Variants in DNAH12 observed in about 807,000 individuals in gnomAD.
DNAH12 encodes dynein axonemal heavy chain 12.
A neutral mutation model predicts 371.5 loss-of-function variants in DNAH12; 285 were observed. The ratio of observed to expected loss-of-function variants is 0.77; its 90% CI spans 0.70 to 0.85. The LOEUF is 0.85. Among genes scored for constraint, DNAH12 ranks in the 40% least tolerant of loss-of-function variants. The pLI, the probability that DNAH12 is intolerant of heterozygous loss-of-function variation, is 0.00. For synonymous variants in DNAH12, 1,200 were observed against 1,213.0 expected (o/e 0.99, Z 0.22); for missense variants, 3,611 against 3,689.4 (o/e 0.98, Z 0.55).
chr3:57,471,679 G>T, intron 14 of DNAH12, 73 bp from the exon 15 acceptor site: 2 of 1,269,996 alleles, frequency 1.6e-6, no homozygotes, highest in Non-Finnish European at 2.1e-6. Flanking sequence ...TCCAAATACT[G>T]TGTATAATAA....
At chr3:57,417,448 CTGAG>C (rs2064415788) in intron 37 of DNAH12, among the ~76,000 whole-genome samples, 1 of 152,076 alleles carries the variant, frequency 6.6e-6, no homozygotes, top group African/African-American at 2.4e-5. Flanking sequence ...ATGTTCCAGT[CTGAG>C]TAACATTAGC....
At chr3:57,434,322 A>C (rs544292828) in intron 30 of DNAH12, among the ~76,000 whole-genome samples, 4 of 152,170 alleles carry the variant, frequency 2.6e-5, no homozygotes, top group Non-Finnish European at 5.9e-5. Context: ...AGGGATAGGT[A>C]ATTGCCAGCT....
chr3:57,416,512 T>C (rs2064381663), intron 37 of DNAH12, among the ~76,000 whole-genome samples: 1 of 152,026 alleles, frequency 6.6e-6, no homozygotes, highest in East Asian at 1.9e-4. Flanking sequence ...TCAAAGTCTG[T>C]CTCCTCAGAA....
intron 13 of DNAH12, among the ~76,000 whole-genome samples, chr3:57,479,183 C>G (rs962069124): frequency 2.6e-5 from 4 of 152,056 alleles, no homozygotes; most frequent in African/African-American, 9.7e-5. Flanking sequence ...ACCCATCTCA[C>G]GTGCAGAGAC....
At chr3:57,305,817 A>T (rs193094850) in intron 69 of DNAH12, among the ~76,000 whole-genome samples, 1 of 152,218 alleles carries the variant, frequency 6.6e-6, no homozygotes. Flanking sequence ...GGTGTATGAT[A>T]ATAGAAAAAA....
intron 4 of DNAH12, among the ~76,000 whole-genome samples, chr3:57,518,834 A>G (rs926448641): frequency 6.6e-6 from 1 of 152,186 alleles, no homozygotes; most frequent in African/African-American, 2.4e-5. Flanking sequence ...GTTGATTCTG[A>G]GGTATTTGTG....
intron 43 of DNAH12, among the ~76,000 whole-genome samples, chr3:57,402,611 C>T (rs1369151330): frequency 6.6e-6 from 1 of 152,168 alleles, no homozygotes; most frequent in Non-Finnish European, 1.5e-5. Flanking sequence ...CATGTTCTCA[C>T]TTATATGTAG....
At chr3:57,308,137 A>C (rs2061510665) in intron 69 of DNAH12, among the ~76,000 whole-genome samples, 1 of 152,100 alleles carries the variant, frequency 6.6e-6, no homozygotes, top group African/African-American at 2.4e-5. Context: ...AGGAAACTAA[A>C]ATACCTCTTG....
rs1399197389 is a variant in DNAH12 at position 57,293,761 on chromosome 3, G to A, written c.*20C>T. On this transcript the variant is annotated 3_prime_UTR_variant, in exon 74 of 74. Transcript: ENST00000495027. Reference sequence around the variant, plus strand: ...TTTTTTTTTTTTTAAACTTTTGGATGTTTTATAAATTTGTCCAATTTAGTC... The same window carrying A: ...TTTTTTTTTTTTTAAACTTTTGGATATTTTATAAATTTGTCCAATTTAGTC... The A allele has an allele frequency of 9.3e-6, 14 of 1,504,996 alleles. No individual in the cohort carries two copies. Among genetic ancestry groups the A allele is most frequent in the South Asian group, 1.3e-5 (1 of 79,216 alleles). The allele number at this position is 1,504,996 out of a possible 1,614,324, so 93.2% of individuals were successfully genotyped here.
intron 69 of DNAH12, among the ~76,000 whole-genome samples, chr3:57,303,568 C>G (rs531338582): frequency 2.0e-5 from 3 of 151,826 alleles, no homozygotes; most frequent in African/African-American, 7.3e-5. Flanking sequence ...CCCGCTACCA[C>G]GCCTGGATAA....
chr3:57,296,566 T>G, intron 71 of DNAH12, 131 bp from the exon 72 acceptor site: 1 of 791,118 alleles, frequency 1.3e-6, no homozygotes, highest in South Asian at 2.1e-5. Flanking sequence ...ACTATACATT[T>G]TTTCAGCCGT....
intron 16 of DNAH12, among the ~76,000 whole-genome samples, chr3:57,470,137 A>T (rs561638826): frequency 1.1e-4 from 17 of 152,126 alleles, no homozygotes; most frequent in South Asian, 6.2e-4. Flanking sequence ...ATATATATAT[A>T]TTTTTCATGT....
chr3:57,309,991 A>G, intron 67 of DNAH12, 137 bp from the exon 68 acceptor site: 6 of 670,720 alleles, frequency 8.9e-6, no homozygotes, highest in East Asian at 3.0e-5. Flanking sequence ...TAACAGATAC[A>G]GAAAGAGGTC....
In DNAH12 at chr3:57,519,655, C is replaced by G. The variant is rs1213399768; in HGVS notation, c.279+3928G>C. On this transcript the variant is annotated intron_variant, in intron 4 of 73. Transcript: ENST00000495027. ...GGCTCTGAACAACTGCACTAAGAAG[C>G]CTTCTAACCGCTCTCATTTGCCGAT... The G allele has an allele frequency of 1.4e-5, 20 of 1,469,712 alleles. No homozygotes were observed. The East Asian group carries it at 2.7e-4, about 20-fold the overall frequency. The allele number at this position is 1,469,712 out of a possible 1,614,324, so 91.0% of individuals were successfully genotyped here. A position where few individuals can be genotyped will look rare whatever the true frequency, so the allele number is the denominator to read the frequency against.
intron 69 of DNAH12, among the ~76,000 whole-genome samples, chr3:57,304,034 CT>C (rs369669673): frequency 0.023 from 3,442 of 151,606 alleles, 61 homozygotes; most frequent in Non-Finnish European, 0.033. Context: ...GCTCAAAAAT[CT>C]CCCCCACTGA....
chr3:57,502,054 C>A (rs949590327), intron 10 of DNAH12, among the ~76,000 whole-genome samples: 11 of 152,028 alleles, frequency 7.2e-5, no homozygotes, highest in African/African-American at 2.7e-4. Context: ...CTACAGGCGC[C>A]CGCCACGACG....
rs4681970 is a variant in DNAH12, at chr3:57,301,719, C to T, written c.11394+16G>A. 202,044 of 1,139,976 alleles carry T rather than the reference C, an allele frequency of 0.18. 24,675 individuals carry two copies. The highest frequency in any genetic ancestry group is 0.31 in the African/African-American group (19,246 of 62,730). 70.6% of individuals were successfully genotyped at this position (1,139,976 alleles called of 1,614,324 possible). The stretch of plus-strand genomic sequence containing the variant: ...ACACACACACACACACACACACACA[C>T]ACACACACATTTTACCTGTAAAAAG... On this transcript the variant is annotated intron_variant, in intron 70 of 73. Transcript: ENST00000495027.
intron 57 of DNAH12, among the ~76,000 whole-genome samples, chr3:57,364,205 A>C (rs2062998461): frequency 6.6e-6 from 1 of 152,186 alleles, no homozygotes; most frequent in Admixed American, 6.6e-5. Context: ...GAAAGGCAAA[A>C]TTGGCACTTG....
Position 57,462,296 on chromosome 3 carries a change from G to T in DNAH12, c.2535+394C>A, listed in dbSNP as rs144435215. Among the ~76,000 whole-genome samples, 292 of 152,250 alleles carry T rather than the reference G, an allele frequency of 1.9e-3. 1 individual carries two copies. The highest frequency in any genetic ancestry group is 6.8e-3 in the Middle Eastern group (2 of 294). On this transcript the variant is annotated intron_variant, in intron 18 of 73. Transcript: ENST00000495027. ...GACAGAGTTTCGCTCTTGTCACCCA[G>T]GCTGGAGTGCAGAGGTGTGATCTCA...
Sources: gnomAD v4.1 joint callset for allele counts (sites outside exome capture counted in the v4.1 genomes callset) on GRCh38, gnomAD v4.1.1 for gene constraint, MANE v1.5 for transcripts, NCBI Gene and HGNC (gene_info 2026-07-23, HGNC 2026-07-21) for gene names.